The following RBPJ variants were observed in gnomAD, a reference collection of about 807,000 sequenced individuals.
The protein encoded by RBPJ is recombination signal binding protein for immunoglobulin kappa J region.
A neutral mutation model predicts 67.8 loss-of-function variants in RBPJ; 9 were observed. The ratio of observed to expected loss-of-function variants is 0.13; its 90% CI spans 0.08 to 0.23. RBPJ has a LOEUF of 0.23. Ranked by LOEUF, RBPJ falls within the 10% of genes least tolerant of loss-of-function variation. The pLI, the probability that RBPJ is intolerant of heterozygous loss-of-function variation, is 1.00. For synonymous variants in RBPJ, 198 were observed against 203.3 expected (o/e 0.97, Z 0.22); for missense variants, 305 against 595.6 (o/e 0.51, Z 5.08).
At chr4:26,124,017 T>C in the RBPJ span, among the ~76,000 whole-genome samples, 17 of 152,180 alleles carry the variant, frequency 1.1e-4, 1 homozygote, top group African/African-American at 4.1e-4. Context: ...CATTTATTAT[T>C]ATCATGTTTT....
At chr4:26,244,768 G>A (rs1004644270) in intron 1 of RBPJ, among the ~76,000 whole-genome samples, 1 of 151,780 alleles carries the variant, frequency 6.6e-6, no homozygotes, top group Non-Finnish European at 1.5e-5. Flanking sequence ...GGGATTACAG[G>A]CACACACCAC....
At chr4:26,108,325 G>A in the RBPJ span, among the ~76,000 whole-genome samples, 1 of 152,228 alleles carries the variant, frequency 6.6e-6, no homozygotes, top group African/African-American at 2.4e-5. Flanking sequence ...GGACAGAAGA[G>A]AGAAGACTTC....
At chr4:26,388,582 A>T (rs1475899517) in intron 2 of RBPJ, among the ~76,000 whole-genome samples, 1 of 147,118 alleles carries the variant, frequency 6.8e-6, no homozygotes, top group Non-Finnish European at 1.5e-5. Context: ...GGTTAAATAG[A>T]GACATAGAAG....
chr4:26,425,002 A>G, intron 7 of RBPJ: 1 of 441,470 alleles, frequency 2.3e-6, no homozygotes, highest in East Asian at 3.4e-5. Context: ...TTTTGGTGGC[A>G]ATTTCCTTTT....
At chr4:26,202,667 G>A (rs1052949319) in intron 1 of RBPJ, among the ~76,000 whole-genome samples, 1 of 151,966 alleles carries the variant, frequency 6.6e-6, no homozygotes, top group African/African-American at 2.4e-5. Flanking sequence ...AGCACTTTGG[G>A]GGGGCCAAAG....
At chr4:26,141,088 A>G in the RBPJ span, among the ~76,000 whole-genome samples, 1 of 152,128 alleles carries the variant, frequency 6.6e-6, no homozygotes, top group African/African-American at 2.4e-5. Context: ...TCCCTTTACT[A>G]TCTTGGGCCT....
chr4:26,340,379 C>T (rs1725379554), intron 1 of RBPJ, among the ~76,000 whole-genome samples: 1 of 152,134 alleles, frequency 6.6e-6, no homozygotes, highest in African/African-American at 2.4e-5. Context: ...AAGGATAAAA[C>T]GGTGGTCCAA....
chr4:26,170,112 G>A (rs1716511365), intron 1 of RBPJ, among the ~76,000 whole-genome samples: 1 of 152,132 alleles, frequency 6.6e-6, no homozygotes. Flanking sequence ...GCACTCCCTA[G>A]TGAGATGAAC....
chr4:26,244,222 T>C (rs1386767517), intron 1 of RBPJ, among the ~76,000 whole-genome samples: 2 of 142,200 alleles, frequency 1.4e-5, no homozygotes, highest in East Asian at 2.1e-4. Context: ...CACATATGTG[T>C]ACACATATAT....
chr4:26,141,996 A>C, the RBPJ span, among the ~76,000 whole-genome samples: 1 of 152,160 alleles, frequency 6.6e-6, no homozygotes, highest in Non-Finnish European at 1.5e-5. Flanking sequence ...CGCAGCTTAA[A>C]CCTCTGAGGC....
intron 1 of RBPJ, among the ~76,000 whole-genome samples, chr4:26,245,884 G>C (rs1029671261): frequency 6.6e-6 from 1 of 152,072 alleles, no homozygotes; most frequent in African/African-American, 2.4e-5. Flanking sequence ...ACATATCTAG[G>C]CTTATTTCTG....
chr4:26,109,446 CTCTCTCTCTCTCTCTATATA>C, the RBPJ span, among the ~76,000 whole-genome samples: 10 of 27,522 alleles, frequency 3.6e-4, no homozygotes, highest in Non-Finnish European at 6.0e-4. Flanking sequence ...CTCTCTCTCT[CTCTCTCTCTCTCTCTATATA>C]TATATATATA....
At chr4:26,270,437 G>GAA (rs757127437) in intron 1 of RBPJ, among the ~76,000 whole-genome samples, 1,377 of 30,240 alleles carry the variant, frequency 0.046, 224 homozygotes, top group African/African-American at 0.09. Context: ...AAGAAAGAAA[G>GAA]AAGAAAGAAA....
intron 1 of RBPJ, among the ~76,000 whole-genome samples, chr4:26,225,670 G>A (rs1451858410): frequency 2.0e-5 from 3 of 152,000 alleles, no homozygotes; most frequent in Non-Finnish European, 4.4e-5. Flanking sequence ...AGTGCAAAAT[G>A]TTAATAATAG....
intron 1 of RBPJ, among the ~76,000 whole-genome samples, chr4:26,176,110 T>A (rs1716786942): frequency 6.6e-6 from 1 of 152,214 alleles, no homozygotes; most frequent in African/African-American, 2.4e-5. Flanking sequence ...TGTAAGAATG[T>A]CCTTAACACT....
chr4:26,121,806 C>T, the RBPJ span, among the ~76,000 whole-genome samples: 1,426 of 151,048 alleles, frequency 9.4e-3, 19 homozygotes, highest in Admixed American at 0.029. Flanking sequence ...ATAAATGTTA[C>T]GTCACACACC....
intron 1 of RBPJ, among the ~76,000 whole-genome samples, chr4:26,181,298 A>C (rs1273201387): frequency 6.6e-6 from 1 of 152,234 alleles, no homozygotes; most frequent in Non-Finnish European, 1.5e-5. Context: ...AGCACAGTCT[A>C]AACAAAGGAA....
At chr4:26,193,046 G>A (rs111356438) in intron 1 of RBPJ, among the ~76,000 whole-genome samples, 9 of 152,226 alleles carry the variant, frequency 5.9e-5, no homozygotes, top group African/African-American at 2.2e-4. Context: ...ATGGAAGAAG[G>A]AGCCATGAGC....
At chr4:26,396,740 A>G (rs1216910045) in intron 2 of RBPJ, among the ~76,000 whole-genome samples, 1 of 152,216 alleles carries the variant, frequency 6.6e-6, no homozygotes, top group African/African-American at 2.4e-5. Flanking sequence ...ATTTGAAGCA[A>G]TTTACTTACT....
Sources: allele counts gnomAD v4.1 joint callset (sites outside exome capture counted in the v4.1 genomes callset), GRCh38; gene constraint gnomAD v4.1.1; transcripts MANE v1.5; gene names NCBI Gene and HGNC (gene_info 2026-07-23, HGNC 2026-07-21).